FOXP1: variants seen among roughly 807,000 people sequenced by gnomAD.
FOXP1 encodes forkhead box P1.
A neutral mutation model predicts 98.2 loss-of-function variants in FOXP1; 15 were observed. The observed-to-expected ratio is 0.15, with a 90% CI of 0.10 to 0.24. The LOEUF (loss-of-function observed/expected upper bound fraction) is 0.24. Ranked by LOEUF, FOXP1 falls within the 10% of genes least tolerant of loss-of-function variation. The probability of loss-of-function intolerance (pLI) is 1.00; values close to 1 mark genes in which losing one functional copy is unlikely to be tolerated. For missense variants in FOXP1, 633 were observed against 848.5 expected, an observed-to-expected ratio of 0.75 and a Z score of 3.15; for synonymous variants, 371 against 314.5, an observed-to-expected ratio of 1.18 and a Z score of -1.90.
intron 3 of FOXP1, among the ~76,000 whole-genome samples, chr3:71,420,505 T>C (rs541874348): frequency 2.6e-5 from 4 of 152,190 alleles, no homozygotes; most frequent in Admixed American, 6.5e-5. Context: ...CTCCTTAAAA[T>C]GGTGAAAAAA....
chr3:71,107,996 T>G (rs2057583284), intron 7 of FOXP1, among the ~76,000 whole-genome samples: 1 of 152,178 alleles, frequency 6.6e-6, no homozygotes, highest in Non-Finnish European at 1.5e-5. Flanking sequence ...TCACTTTCCC[T>G]GCAGTGAAAT....
chr3:71,322,621 C>A (rs1421590987), intron 4 of FOXP1, among the ~76,000 whole-genome samples: 1 of 152,144 alleles, frequency 6.6e-6, no homozygotes, highest in East Asian at 1.9e-4. Context: ...GCACTGTCAT[C>A]AAGGGGCATT....
intron 6 of FOXP1, among the ~76,000 whole-genome samples, chr3:71,186,747 A>T (rs2062671354): frequency 6.6e-6 from 1 of 152,236 alleles, no homozygotes; most frequent in African/African-American, 2.4e-5. Flanking sequence ...TATAGTATAA[A>T]TAAATAGATA....
intron 5 of FOXP1, chr3:71,289,396 G>A (rs1211797597): frequency 6.6e-6 from 1 of 152,054 alleles, no homozygotes; most frequent in East Asian, 1.9e-4. Context: ...AGGCTGGAGT[G>A]AAGTGGTTAT....
At chr3:71,133,400 C>T (rs768844192) in intron 6 of FOXP1, among the ~76,000 whole-genome samples, 3 of 152,182 alleles carry the variant, frequency 2.0e-5, no homozygotes, top group African/African-American at 4.8e-5. Flanking sequence ...ATAGTCGTCT[C>T]GCTCTGGGCC....
chr3:71,517,563 T>C (rs1163612288), intron 2 of FOXP1, among the ~76,000 whole-genome samples: 1 of 152,314 alleles, frequency 6.6e-6, no homozygotes, highest in East Asian at 1.9e-4. Flanking sequence ...AGATTTTTCA[T>C]CCAATCCTTC....
intron 4 of FOXP1, among the ~76,000 whole-genome samples, chr3:71,356,176 A>C (rs1285354053): frequency 1.3e-5 from 2 of 148,658 alleles, no homozygotes; most frequent in Non-Finnish European, 3.0e-5. Context: ...CAGTTAGTGA[A>C]TTCTGCTTGC....
intron 7 of FOXP1, among the ~76,000 whole-genome samples, chr3:71,062,239 T>C (rs1241579859): frequency 1.3e-5 from 2 of 152,222 alleles, no homozygotes; most frequent in Non-Finnish European, 2.9e-5. Context: ...TGCATGCCTT[T>C]AGATGCATTA....
chr3:71,443,514 G>T (rs1228312234), intron 3 of FOXP1, among the ~76,000 whole-genome samples: 6 of 152,142 alleles, frequency 3.9e-5, no homozygotes, highest in African/African-American at 1.4e-4. Flanking sequence ...ATGCACACTC[G>T]AGTTGGAAAG....
At chr3:71,059,596 T>C (rs1055625476) in intron 7 of FOXP1, among the ~76,000 whole-genome samples, 2 of 152,136 alleles carry the variant, frequency 1.3e-5, no homozygotes, top group African/African-American at 4.8e-5. Flanking sequence ...CTAGCAACTA[T>C]TATTATTATT....
chr3:70,991,052 AT>A (rs11373167), intron 13 of FOXP1, among the ~76,000 whole-genome samples: 188 of 144,774 alleles, frequency 1.3e-3, no homozygotes, highest in Middle Eastern at 7.1e-3. Context: ...CAACTTTCTA[AT>A]TTTTTTTTTT....
At chr3:71,063,952 A>T (rs974845458) in intron 7 of FOXP1, among the ~76,000 whole-genome samples, 2 of 152,142 alleles carry the variant, frequency 1.3e-5, no homozygotes, top group African/African-American at 4.8e-5. Flanking sequence ...GAGAGGGGTA[A>T]AAAGTCCCGT....
intron 5 of FOXP1, among the ~76,000 whole-genome samples, chr3:71,268,117 G>A (rs1221951512): frequency 5.0e-5 from 6 of 120,698 alleles, no homozygotes; most frequent in Non-Finnish European, 8.2e-5. Context: ...TTGAGACAGA[G>A]TCTCGCTCTG....
chr3:71,180,816 C>G (rs1288952302), intron 6 of FOXP1, among the ~76,000 whole-genome samples: 3 of 152,034 alleles, frequency 2.0e-5, no homozygotes, highest in Admixed American at 1.3e-4. Context: ...GAAATAAAAC[C>G]CTGATTCAAT....
chr3:71,499,199 G>A (rs1174952952), intron 2 of FOXP1, among the ~76,000 whole-genome samples: 1 of 152,104 alleles, frequency 6.6e-6, no homozygotes, highest in East Asian at 1.9e-4. Context: ...TTTGACCAGT[G>A]GCAACCCTGC....
At chr3:71,345,595 C>T (rs1310872625) in intron 4 of FOXP1, among the ~76,000 whole-genome samples, 1 of 151,782 alleles carries the variant, frequency 6.6e-6, no homozygotes, top group Non-Finnish European at 1.5e-5. Context: ...TTTTCCTACC[C>T]TGGTGTTATG....
chr3:71,125,786 T>TG (rs1252104571), intron 6 of FOXP1, among the ~76,000 whole-genome samples: 1 of 152,168 alleles, frequency 6.6e-6, no homozygotes, highest in Non-Finnish European at 1.5e-5. Context: ...GAAATAGAAG[T>TG]TTGCTTTGAA....
chr3:71,171,084 C>T (rs2061629688), intron 6 of FOXP1, among the ~76,000 whole-genome samples: 1 of 147,758 alleles, frequency 6.8e-6, no homozygotes, highest in African/African-American at 2.5e-5. Flanking sequence ...TCCATTCATA[C>T]AAATACACAC....
At chr3:71,582,873 A>G (rs894976781) in intron 1 of FOXP1, 5 of 931,478 alleles carry the variant, frequency 5.4e-6, no homozygotes, top group Non-Finnish European at 6.4e-6. Context: ...CGCGCGTGGC[A>G]GCGGGGAAGT....
Sources: gnomAD v4.1 joint callset for allele counts (sites outside exome capture counted in the v4.1 genomes callset) on GRCh38, gnomAD v4.1.1 for gene constraint, MANE v1.5 for transcripts, NCBI Gene and HGNC (gene_info 2026-07-23, HGNC 2026-07-21) for gene names.